Variants in DZIP1L observed in about 807,000 individuals in gnomAD.
DZIP1L encodes the protein DAZ interacting zinc finger protein 1 like.
DZIP1L carries 90 observed loss-of-function variants against 88.7 expected under a neutral mutation model. The ratio of observed to expected loss-of-function variants is 1.02; its 90% CI spans 0.86 to 1.21. The LOEUF (loss-of-function observed/expected upper bound fraction) is 1.21, where lower values mean the gene tolerates loss of function less well. Ranked by LOEUF, DZIP1L falls within the 50% of genes most tolerant of loss-of-function variation. DZIP1L has a pLI of 0.00. For missense variants in DZIP1L, 932 were observed against 955.8 expected (o/e 0.98, Z 0.33); for synonymous variants, 363 against 372.1 (o/e 0.98, Z 0.28).
chr3:138,077,732 T>C, intron 10 of DZIP1L, 100 bp from the exon 11 acceptor site: 1 of 1,530,398 alleles, frequency 6.5e-7, no homozygotes. Context: ...CCAGGAATCC[T>C]GGTCGGTTAA....
chr3:138,077,685 C>T (rs1309918062), intron 10 of DZIP1L, 53 bp from the exon 11 acceptor site: 7 of 1,605,690 alleles, frequency 4.4e-6, no homozygotes, highest in African/African-American at 4.0e-5. Flanking sequence ...GTTCTCCATT[C>T]CCAGAGCCCT....
In DZIP1L at chr3:138,088,594, G is replaced by A. The variant is rs936456085; in HGVS notation, c.871-87C>T. The A allele has an allele frequency of 2.7e-5, 39 of 1,463,098 alleles. 1 individual carries two copies. The South Asian group carries it at 2.7e-4, about 10-fold the overall frequency. The allele number at this position is 1,463,098 out of a possible 1,614,324, so 90.6% of individuals were successfully genotyped here. A position where few individuals can be genotyped will look rare whatever the true frequency, so the allele number is the denominator to read the frequency against. On this transcript the variant is annotated intron_variant, in intron 5 of 15. Coordinates refer to ENST00000327532, the MANE Select transcript of DZIP1L (RefSeq NM_173543.3). ...ACCCAGAACAGTGTCAGAGGGGCAC[G>A]CCTTACCCAACTCATCCTCCCAACT...
At position 138,097,796 on chromosome 3, in the gene DZIP1L, T is replaced by C; in HGVS notation, c.553A>G (p.Ile185Val). ...GCCACGCCTGCATGCCTGCGCTGGATGTGGCCCCGGAGAAAGGTGGCATTC... is the reference window on the plus strand; with the variant it reads ...GCCACGCCTGCATGCCTGCGCTGGACGTGGCCCCGGAGAAAGGTGGCATTC... ...FMNATFLRGH[I>V]QRRHAGVAEG... is the part of the protein sequence containing the mutation. The change falls in exon 3 of 16, where the codon ATC (isoleucine) becomes GTC (valine). Residue 185 changes from isoleucine (I) to valine (V), a missense_variant. By Grantham distance (29) the Ile-to-Val change is conservative (BLOSUM62 3). Transcript: ENST00000327532. The C allele has an allele frequency of 1.2e-6, 2 of 1,613,242 alleles. No individual in the cohort carries two copies. Among genetic ancestry groups the C allele is most frequent in the Non-Finnish European group, 1.7e-6 (2 of 1,179,696 alleles).
intron 14 of DZIP1L, 53 bp downstream of exon 14, chr3:138,067,478 G>A (rs1455419903): frequency 2.0e-6 from 3 of 1,513,932 alleles, no homozygotes; most frequent in Non-Finnish European, 2.6e-6. Flanking sequence ...ATCTGGGCTG[G>A]AGAAGGGCTA....
intron 1 of DZIP1L, chr3:138,112,309 A>C (rs1241530621): frequency 1.3e-5 from 2 of 152,188 alleles, no homozygotes; most frequent in African/African-American, 4.8e-5. Flanking sequence ...ACTCTTAATA[A>C]TTATGATAAT....
In DZIP1L at chr3:138,094,883, C is replaced by T. The variant is rs749826649; in HGVS notation, c.687G>A (p.Ala229=). The T allele has an allele frequency of 1.1e-5, 18 of 1,614,122 alleles. No homozygotes were observed. Among genetic ancestry groups the T allele is most frequent in the Non-Finnish European group, 1.4e-5 (16 of 1,180,048 alleles). ...CCACCTGGAGCTGCCGCTGCCTCTC[C>T]GCCTCCCTCTGGGCTTCCAGCTCCC... The part of the protein sequence containing the change: ...TQGELEAQRE[A]ERQRQLQEAE... Residue 229 remains alanine (A), a synonymous_variant, in exon 4 of 16, where the codon GCG becomes GCA. Coordinates refer to ENST00000327532, the MANE Select transcript of DZIP1L (RefSeq NM_173543.3).
chr3:138,083,536 A>C (rs1311619772), intron 8 of DZIP1L, among the ~76,000 whole-genome samples: 1 of 152,200 alleles, frequency 6.6e-6, no homozygotes, highest in East Asian at 1.9e-4. Flanking sequence ...CTTTAGGAGA[A>C]AGGTGCTAAC....
rs185004217 is a variant in DZIP1L at position 138,102,778 on chromosome 3, C to T, written c.501+693G>A. 71 of 762,022 alleles carry T rather than the reference C, an allele frequency of 9.3e-5. No individual in the cohort carries two copies. The African/African-American group carries it at 1.0e-3, about 11-fold the overall frequency. The allele number at this position is 762,022 out of a possible 1,614,324, so 47.2% of individuals were successfully genotyped here. A position where few individuals can be genotyped will look rare whatever the true frequency, so the allele number is the denominator to read the frequency against. On this transcript the variant is annotated intron_variant, in intron 2 of 15. Transcript: ENST00000327532. Reference sequence around the variant, plus strand: ...ACCATAGCCTCCGCCCAGGTCACCCCGGAAGCTGCTGCTGCCCACTCAGGA... The same window carrying T: ...ACCATAGCCTCCGCCCAGGTCACCCTGGAAGCTGCTGCTGCCCACTCAGGA...
rs532429109 is a variant in DZIP1L, at chr3:138,062,674, C to G, written c.*142G>C. On this transcript the variant is annotated 3_prime_UTR_variant, in exon 16 of 16. Transcript: ENST00000327532. Reference sequence around the variant, plus strand: ...AGGTCAGGAGGGATGAGATCATATCCATTCCCTGCACTGCTTCTCTCCAAG... The same window carrying G: ...AGGTCAGGAGGGATGAGATCATATCGATTCCCTGCACTGCTTCTCTCCAAG... The G allele has an allele frequency of 1.0e-6, 1 of 984,082 alleles. No homozygotes were observed. Among genetic ancestry groups the G allele is most frequent in the African/African-American group, 1.6e-5 (1 of 61,910 alleles). 61.0% of individuals were successfully genotyped at this position (984,082 alleles called of 1,614,324 possible). A position where few individuals can be genotyped will look rare whatever the true frequency, so the allele number is the denominator to read the frequency against.
chr3:138,075,911 A>G (rs1383322214), intron 11 of DZIP1L, among the ~76,000 whole-genome samples: 1 of 152,172 alleles, frequency 6.6e-6, no homozygotes, highest in Non-Finnish European at 1.5e-5. Context: ...GTGAGCCGAG[A>G]TCGCACCACT....
chr3:138,081,786 C>T (rs767997057), intron 8 of DZIP1L, 22 bp from the exon 9 acceptor site: 70 of 1,611,922 alleles, frequency 4.3e-5, no homozygotes, highest in Non-Finnish European at 5.5e-5. Context: ...TGGAATAGAG[C>T]GGGTTACAAC....
intron 1 of DZIP1L, among the ~76,000 whole-genome samples, chr3:138,104,365 T>G (rs1017504009): frequency 6.6e-6 from 1 of 152,266 alleles, no homozygotes; most frequent in African/African-American, 2.4e-5. Context: ...CCCAGCCTAG[T>G]GCCTGGCACA....
chr3:138,080,244 T>TGAGA (rs1249594313), intron 10 of DZIP1L: 1 of 242,502 alleles, frequency 4.1e-6, no homozygotes, highest in Non-Finnish European at 8.3e-6. Context: ...TAGTCGCAGG[T>TGAGA]GAGAGTCAGT....
rs548829611 is a variant in DZIP1L at position 138,075,944 on chromosome 3, C to T, written c.1422+1555G>A. 1.9e-4 allele frequency among the ~76,000 whole-genome samples: 29 copies of T among 152,052 alleles called. No homozygotes were observed. In the East Asian group the frequency reaches 5.6e-3, roughly 29 times the overall value. ...ACTGCACTCCAGCATGGTGACAGAGCGAGATTCGTCTCAAAAAAAAAGGCT... is the reference window on the plus strand; with the variant it reads ...ACTGCACTCCAGCATGGTGACAGAGTGAGATTCGTCTCAAAAAAAAAGGCT... On this transcript the variant is annotated intron_variant, in intron 11 of 15. Coordinates refer to ENST00000327532, the MANE Select transcript of DZIP1L (RefSeq NM_173543.3).
At chr3:138,089,061 C>T (rs1174380991) in intron 5 of DZIP1L, 2 of 985,296 alleles carry the variant, frequency 2.0e-6, no homozygotes, top group Non-Finnish European at 1.2e-6. Flanking sequence ...TTTCCACCCA[C>T]CTTTGATTAT....
chr3:138,071,575 A>T, intron 12 of DZIP1L, 68 bp downstream of exon 12: 1 of 1,536,112 alleles, frequency 6.5e-7, no homozygotes. Context: ...CCTCATGTGC[A>T]AACAAGTTTT....
Position 138,088,488 on chromosome 3 carries a change from G to C in DZIP1L, c.890C>G (p.Ser297Cys). 1 of 1,613,690 alleles carries C rather than the reference G, an allele frequency of 6.2e-7. No homozygotes were observed. The highest frequency in any genetic ancestry group is 8.5e-7 in the Non-Finnish European group (1 of 1,179,828). Residue 297 changes from serine to cysteine, a missense_variant, in exon 6 of 16, where the codon TCC (serine) becomes TGC (cysteine). Coordinates refer to ENST00000327532, the MANE Select transcript of DZIP1L (RefSeq NM_173543.3). ...CAGCTTGGACTCCATCACACTGTGG[G>C]ACTGCAGTGCCCGCAGTTTCTGAAA... ...TLEEKLRALQSHSVMESKLGS... is the reference protein window; with the variant it reads ...TLEEKLRALQCHSVMESKLGS...
chr3:138,097,879 G>A (rs567060390), intron 2 of DZIP1L, 32 bp from the exon 3 acceptor site: 1 of 1,582,840 alleles, frequency 6.3e-7, no homozygotes, highest in African/African-American at 1.3e-5. Flanking sequence ...GGGAGTACAA[G>A]ATTAGGTCAC....
chr3:138,092,640 C>T (rs1286855730), intron 4 of DZIP1L, 96 bp from the exon 5 acceptor site: 25 of 1,240,186 alleles, frequency 2.0e-5, no homozygotes, highest in Middle Eastern at 2.8e-4. Context: ...ATGCAAGTCA[C>T]TATGGAGACC....
Sources: allele counts gnomAD v4.1 joint callset (sites outside exome capture counted in the v4.1 genomes callset), GRCh38; gene constraint gnomAD v4.1.1; transcripts MANE v1.5; gene names NCBI Gene and HGNC (gene_info 2026-07-23, HGNC 2026-07-21).